Variants in FRRS1 observed in about 807,000 individuals in gnomAD.
The protein encoded by FRRS1 is ferric reductase 1.
A neutral mutation model predicts 70.7 loss-of-function variants in FRRS1; 51 were observed. The observed-to-expected ratio is 0.72, with a 90% CI of 0.58 to 0.91. The LOEUF (loss-of-function observed/expected upper bound fraction) is 0.91. Among genes scored for constraint, FRRS1 ranks in the 40% least tolerant of loss-of-function variants. FRRS1 has a pLI of 0.00. For synonymous variants in FRRS1, 225 were observed against 238.7 expected (o/e 0.94, Z 0.53); for missense variants, 672 against 726.0 (o/e 0.93, Z 0.86).
At position 99,740,818 on chromosome 1, in the gene FRRS1, G is replaced by A. The variant is rs890508746; in HGVS notation, c.551C>T (p.Pro184Leu). Residue 184 changes from proline (P) to leucine (L), a missense_variant, in exon 6 of 17, where the codon CCT (proline) becomes CTT (leucine). Physicochemically the swap from Pro to Leu is moderately conservative, Grantham distance 98. Coordinates refer to ENST00000646001, the MANE Select transcript of FRRS1 (RefSeq NM_001361041.2). ...TGGTTTGGTTAAGTGGGAAACGGGA[G>A]GTAACGTTGGCAAAGGTACTACTGT... ...KATVVPLPTLPPVSHLTKPFS... is the reference protein window; with the variant it reads ...KATVVPLPTLLPVSHLTKPFS... The A allele has an allele frequency of 6.2e-7, 1 of 1,612,442 alleles. No homozygotes were observed. The highest frequency in any genetic ancestry group is 8.5e-7 in the Non-Finnish European group (1 of 1,178,504).
At chr1:99,750,724 C>A (rs1656530056) in intron 1 of FRRS1, among the ~76,000 whole-genome samples, 1 of 149,366 alleles carries the variant, frequency 6.7e-6, no homozygotes, top group African/African-American at 2.5e-5. Context: ...AACTGTGGAA[C>A]TACAAAAGGT....
rs149801998 is a variant in FRRS1, at chr1:99,717,441, G to C, written c.1205C>G (p.Ala402Gly). ...CCAAGCTGCTTCACCAAGCAAGAAA[G>C]CTTTTGACCAAACTGGCTTGAAGAA... ...ARFFKPVWSK[A>G]FLLGEAAWFQ... Residue 402 changes from alanine (A) to glycine (G), a missense_variant, in exon 11 of 17, where the codon GCT (alanine) becomes GGT (glycine). Ala to Gly is a moderately conservative substitution (Grantham distance 60). Coordinates refer to ENST00000646001, the MANE Select transcript of FRRS1 (RefSeq NM_001361041.2). 8.4e-4 allele frequency: 1,360 copies of C among 1,614,020 alleles called. 1 individual carries two copies. The highest frequency in any genetic ancestry group is 1.1e-3 in the Non-Finnish European group (1,270 of 1,179,902).
At chr1:99,713,128 T>A (rs1260900784) in intron 12 of FRRS1, among the ~76,000 whole-genome samples, 2 of 152,192 alleles carry the variant, frequency 1.3e-5, no homozygotes, top group East Asian at 3.8e-4. Flanking sequence ...GGAACTGTCC[T>A]AAGTACTTTC....
chr1:99,740,627 G>A (rs1439486384), intron 6 of FRRS1, among the ~76,000 whole-genome samples, 166 bp downstream of exon 6: 9 of 152,096 alleles, frequency 5.9e-5, no homozygotes, highest in African/African-American at 2.2e-4. Flanking sequence ...TACATTTAAT[G>A]AAGCTATAAA....
chr1:99,724,653 T>C (rs1316442365), intron 9 of FRRS1, among the ~76,000 whole-genome samples: 1 of 152,158 alleles, frequency 6.6e-6, no homozygotes, highest in Non-Finnish European at 1.5e-5. Context: ...AGCTAAGTAA[T>C]AGAAGAGGCA....
At chr1:99,750,013 T>C (rs972839618) in intron 1 of FRRS1, among the ~76,000 whole-genome samples, 3 of 152,200 alleles carry the variant, frequency 2.0e-5, no homozygotes, top group Non-Finnish European at 2.9e-5. Context: ...TTAGAATCAC[T>C]AGAAAAAATT....
Position 99,712,154 on chromosome 1 carries a change from C to T in FRRS1, c.1431G>A (p.Met477Ile). 1 of 1,609,002 alleles carries T rather than the reference C, an allele frequency of 6.2e-7. No homozygotes were observed. The highest frequency in any genetic ancestry group is 8.5e-7 in the Non-Finnish European group (1 of 1,176,100). ...RPPLHDPRRQ[M>I]FNWTHWSMGT... Reference sequence around the variant, plus strand: ...CCATACTCCAATGAGTCCAGTTAAACATTTGCCTTCTACCAAAATAAGAAC... The same window carrying T: ...CCATACTCCAATGAGTCCAGTTAAATATTTGCCTTCTACCAAAATAAGAAC... The change falls in exon 14 of 17, where the codon ATG becomes ATA. Residue 477 changes from methionine (M) to isoleucine (I), a missense_variant. By Grantham distance (10) the Met-to-Ile change is conservative. Coordinates refer to ENST00000646001, the MANE Select transcript of FRRS1 (RefSeq NM_001361041.2).
intron 1 of FRRS1, 133 bp from the exon 2 acceptor site, chr1:99,749,134 C>G (rs572749282): frequency 1.1e-5 from 2 of 178,050 alleles, no homozygotes; most frequent in East Asian, 3.3e-4. Context: ...CTCCCGGGTT[C>G]AAGTGATTCT....
intron 12 of FRRS1, 91 bp from the exon 13 acceptor site, chr1:99,712,606 G>T: frequency 3.1e-6 from 2 of 639,386 alleles, no homozygotes; most frequent in Non-Finnish European, 5.4e-6. Flanking sequence ...TGTATTCTTA[G>T]TATTTTTCCA....
At position 99,732,280 on chromosome 1, in the gene FRRS1, C is replaced by T. The variant is rs1009416589; in HGVS notation, c.760-2532G>A. Among the ~76,000 whole-genome samples the T allele has an allele frequency of 5.3e-5, 8 of 152,140 alleles. 1 individual carries two copies. The highest frequency in any genetic ancestry group is 4.6e-4 in the Admixed American group (7 of 15,264). On this transcript the variant is annotated intron_variant, in intron 7 of 16. Transcript: ENST00000646001. ...ATAAAAGTACACCCTATAAGAACTTCCACCAAATCCCTGGGTTGTACTGAA... is the reference window on the plus strand; with the variant it reads ...ATAAAAGTACACCCTATAAGAACTTTCACCAAATCCCTGGGTTGTACTGAA...
At chr1:99,709,554 T>C (rs939233423) in intron 15 of FRRS1, among the ~76,000 whole-genome samples, 1 of 152,224 alleles carries the variant, frequency 6.6e-6, no homozygotes, top group African/African-American at 2.4e-5. Context: ...TGACAAAATA[T>C]TGTATATATT....
intron 1 of FRRS1, among the ~76,000 whole-genome samples, chr1:99,759,298 G>C (rs1657005279): frequency 6.6e-6 from 1 of 152,200 alleles, no homozygotes; most frequent in Non-Finnish European, 1.5e-5. Context: ...ACCCCCAGCA[G>C]CCCAGCTGTA....
At chr1:99,747,461 A>C in intron 3 of FRRS1, 31 bp from the exon 4 acceptor site, 1 of 1,594,084 alleles carries the variant, frequency 6.3e-7, no homozygotes, top group Non-Finnish European at 8.5e-7. Flanking sequence ...TTGGTTAAAA[A>C]GCTTAGTAAT....
rs959797225 is a variant in FRRS1, at chr1:99,715,488, G to A, written c.1323+98C>T. The A allele has an allele frequency of 7.0e-5, 52 of 742,698 alleles. 1 individual carries two copies. The Admixed American group carries it at 1.1e-3, about 16-fold the overall frequency. 46.0% of individuals were successfully genotyped at this position (742,698 alleles called of 1,614,324 possible). ...AAAAGGGAAAGAAAGAGGGATCAAT[G>A]CTGAAATATCTTTTTACCCATCATT... On this transcript the variant is annotated intron_variant, in intron 12 of 16. Transcript: ENST00000646001.
At chr1:99,715,777 A>G (rs2100909064) in intron 11 of FRRS1, 105 bp from the exon 12 acceptor site, 2 of 707,046 alleles carry the variant, frequency 2.8e-6, no homozygotes, top group South Asian at 3.5e-5. Flanking sequence ...GATTCACTGA[A>G]GGCATGCATT....
At chr1:99,726,283 T>A (rs1655076004) in intron 9 of FRRS1, among the ~76,000 whole-genome samples, 1 of 152,208 alleles carries the variant, frequency 6.6e-6, no homozygotes. Flanking sequence ...ATGCTTCCTG[T>A]ATAGGCTGTG....
chr1:99,709,274 A>G lies in FRRS1; in HGVS notation c.1625-15T>C. 1.3e-6 allele frequency: 2 copies of G among 1,587,440 alleles called. No individual in the cohort carries two copies. The highest frequency in any genetic ancestry group is 2.2e-5 in the South Asian group (2 of 90,342). Reference sequence around the variant, plus strand: ...CAATATTTCAACTGTCAAGAATAATAACATAAGTTTTTAAGGGCAGCGTTA... The same window carrying G: ...CAATATTTCAACTGTCAAGAATAATGACATAAGTTTTTAAGGGCAGCGTTA... On this transcript the variant is annotated splice_polypyrimidine_tract_variant and intron_variant, in intron 15 of 16. Coordinates refer to ENST00000646001, the MANE Select transcript of FRRS1 (RefSeq NM_001361041.2).
intron 1 of FRRS1, among the ~76,000 whole-genome samples, chr1:99,760,045 T>C (rs921638841): frequency 2.6e-5 from 4 of 152,200 alleles, no homozygotes; most frequent in Non-Finnish European, 4.4e-5. Context: ...TAAGTTCGCC[T>C]ACCTAATTCA....
intron 7 of FRRS1, among the ~76,000 whole-genome samples, chr1:99,734,098 T>TA (rs1230092406): frequency 6.6e-6 from 1 of 152,034 alleles, no homozygotes; most frequent in East Asian, 1.9e-4. Context: ...ATTTAATTTA[T>TA]AAAAAAGAAA....
Sources: allele counts gnomAD v4.1 joint callset (sites outside exome capture counted in the v4.1 genomes callset), GRCh38; gene constraint gnomAD v4.1.1; transcripts MANE v1.5; gene names NCBI Gene and HGNC (gene_info 2026-07-23, HGNC 2026-07-21).